The following CYP19A1 variants were observed in gnomAD, a reference collection of about 807,000 sequenced individuals.
CYP19A1 encodes the protein aromatase.
A neutral mutation model predicts 44.4 loss-of-function variants in CYP19A1; 32 were observed. That is an observed-to-expected ratio of 0.72 (90% CI 0.54 to 0.97). The LOEUF (loss-of-function observed/expected upper bound fraction) is 0.97, where lower values mean the gene tolerates loss of function less well. Among genes scored for constraint, CYP19A1 ranks in the 50% least tolerant of loss-of-function variants. The pLI is 0.00. For missense variants in CYP19A1, 598 were observed against 637.8 expected (o/e 0.94, Z 0.67); for synonymous variants, 212 against 215.6 (o/e 0.98, Z 0.14).
At chr15:51,229,272 C>A (rs866295037) in intron 3 of CYP19A1, among the ~76,000 whole-genome samples, 1 of 151,378 alleles carries the variant, frequency 6.6e-6, no homozygotes, top group Non-Finnish European at 1.5e-5. Context: ...TGCCTGTAGT[C>A]CCAACTACTT....
At chr15:51,294,478 AGCTGCCCCG>A (rs2035932339) in intron 1 of CYP19A1, among the ~76,000 whole-genome samples, 2 of 116,556 alleles carry the variant, frequency 1.7e-5, no homozygotes, top group African/African-American at 3.6e-5. Flanking sequence ...TCCGCCCGGC[AGCTGCCCCG>A]TCTGAGAAGT....
intron 3 of CYP19A1, among the ~76,000 whole-genome samples, chr15:51,230,709 C>T (rs1288583736): frequency 6.6e-6 from 1 of 151,080 alleles, no homozygotes; most frequent in Non-Finnish European, 1.5e-5. Context: ...AACTCCACCT[C>T]CCAGGTTCAA....
chr15:51,225,034 T>C (rs551783300), intron 4 of CYP19A1, among the ~76,000 whole-genome samples: 18 of 152,342 alleles, frequency 1.2e-4, no homozygotes, highest in African/African-American at 4.3e-4. Context: ...TGCCCCTCAA[T>C]GTGCTTTAGA....
At chr15:51,327,716 G>T (rs1794564770) in intron 1 of CYP19A1, among the ~76,000 whole-genome samples, 1 of 151,998 alleles carries the variant, frequency 6.6e-6, no homozygotes. Context: ...TGCCACATCA[G>T]ACTCAGTGTC....
chr15:51,315,073 A>G (rs1409876472), intron 1 of CYP19A1, among the ~76,000 whole-genome samples: 1 of 151,892 alleles, frequency 6.6e-6, no homozygotes, highest in Non-Finnish European at 1.5e-5. Flanking sequence ...CTAACATACA[A>G]ATCTGCTGCT....
chr15:51,226,501 G>C (rs562979739), intron 4 of CYP19A1, among the ~76,000 whole-genome samples: 1 of 152,244 alleles, frequency 6.6e-6, no homozygotes, highest in Non-Finnish European at 1.5e-5. Context: ...GAGTCCTGGT[G>C]AGGGAGGGCA....
intron 4 of CYP19A1, among the ~76,000 whole-genome samples, chr15:51,227,563 G>A (rs1475587173): frequency 1.3e-5 from 2 of 151,764 alleles, no homozygotes; most frequent in Non-Finnish European, 2.9e-5. Flanking sequence ...CCAGCTACTC[G>A]CGAGGCTGAG....
At chr15:51,254,905 A>G (rs1022906243) in intron 1 of CYP19A1, among the ~76,000 whole-genome samples, 3 of 152,104 alleles carry the variant, frequency 2.0e-5, no homozygotes, top group African/African-American at 7.2e-5. Flanking sequence ...ATGCACAGTG[A>G]TTACTTAATA....
chr15:51,231,398 T>A (rs2033021768), intron 3 of CYP19A1, among the ~76,000 whole-genome samples: 1 of 152,108 alleles, frequency 6.6e-6, no homozygotes, highest in South Asian at 2.1e-4. Context: ...CTCTTTCAAT[T>A]TTCCTACTCA....
chr15:51,227,444 A>G (rs1442415128), intron 4 of CYP19A1, among the ~76,000 whole-genome samples: 1 of 152,044 alleles, frequency 6.6e-6, no homozygotes, highest in Non-Finnish European at 1.5e-5. Context: ...AGGCAGGTCA[A>G]TCGTTTGACT....
Position 51,215,745 on chromosome 15 carries a change from C to T in CYP19A1, c.816G>A (p.Leu272=), listed in dbSNP as rs749925888. ...KRRRISTEEK[L]EECMDFATEL... is the part of the protein sequence containing the mutation. The stretch of plus-strand genomic sequence containing the variant: ...CAGTGGCAAAGTCCATACATTCTTC[C>T]AGTTTCTCTTCTGTGGAAATCCTGC... The change falls in exon 7 of 10, where the codon CTG becomes CTA. Residue 272 remains leucine (L), a synonymous_variant. Coordinates refer to ENST00000396402, the MANE Select transcript of CYP19A1 (RefSeq NM_000103.4). 1.2e-6 allele frequency: 2 copies of T among 1,613,914 alleles called. No individual in the cohort carries two copies. Among genetic ancestry groups the T allele is most frequent in the South Asian group, 2.2e-5 (2 of 91,084 alleles).
chr15:51,265,591 C>G (rs528838271), intron 1 of CYP19A1, among the ~76,000 whole-genome samples: 87 of 152,304 alleles, frequency 5.7e-4, no homozygotes, highest in African/African-American at 2.0e-3. Flanking sequence ...TCCTATCATT[C>G]ACCCACTCGA....
chr15:51,294,310 C>T (rs1311379179), intron 1 of CYP19A1, among the ~76,000 whole-genome samples: 20 of 146,130 alleles, frequency 1.4e-4, no homozygotes, highest in Middle Eastern at 3.7e-3. Context: ...ATGTGGGGAG[C>T]GCCTCTGCCC....
At chr15:51,259,892 T>G (rs765846104) in intron 1 of CYP19A1, among the ~76,000 whole-genome samples, 8 of 152,146 alleles carry the variant, frequency 5.3e-5, no homozygotes, top group Non-Finnish European at 1.0e-4. Flanking sequence ...ACCAAAAAAG[T>G]GCAATGCATG....
At chr15:51,211,140 TCAG>T in intron 9 of CYP19A1, 84 bp from the exon 10 acceptor site, 1 of 928,610 alleles carries the variant, frequency 1.1e-6, no homozygotes, top group Non-Finnish European at 1.8e-6. Flanking sequence ...AAAACATGGG[TCAG>T]TCAGAACACT....
intron 1 of CYP19A1, among the ~76,000 whole-genome samples, chr15:51,276,931 A>T (rs2035329542): frequency 6.6e-6 from 1 of 152,148 alleles, no homozygotes; most frequent in South Asian, 2.1e-4. Context: ...CTTTGTATTC[A>T]GACAAAGCAT....
intron 1 of CYP19A1, among the ~76,000 whole-genome samples, chr15:51,295,122 C>T (rs966061894): frequency 1.4e-5 from 2 of 143,926 alleles, no homozygotes; most frequent in Admixed American, 7.0e-5. Flanking sequence ...GGGCTTGGAG[C>T]GAATTAACAA....
Position 51,227,848 on chromosome 15 carries a change from G to C in CYP19A1, c.382C>G (p.His128Asp). ...SKLGLQCIGM[H>D]EKGIIFNNNP... ...TTGTTAAATATGATGCCTTTCTCATGCATACCGATGCACTGCAGCCCAAGT... is the reference window on the plus strand; with the variant it reads ...TTGTTAAATATGATGCCTTTCTCATCCATACCGATGCACTGCAGCCCAAGT... The change falls in exon 4 of 10, where the codon CAT (histidine) becomes GAT (aspartate). Residue 128 changes from histidine to aspartate, a missense_variant. His to Asp is a moderately conservative substitution (Grantham distance 81). Transcript: ENST00000396402. 1 of 1,511,422 alleles carries C rather than the reference G, an allele frequency of 6.6e-7. No homozygotes were observed. 93.6% of individuals were successfully genotyped at this position (1,511,422 alleles called of 1,614,324 possible).
intron 1 of CYP19A1, among the ~76,000 whole-genome samples, chr15:51,249,186 C>G (rs2034201510): frequency 6.6e-6 from 1 of 152,158 alleles, no homozygotes; most frequent in African/African-American, 2.4e-5. Context: ...GGTGATTCAC[C>G]TGCCATGGCC....
Sources: allele counts gnomAD v4.1 joint callset (sites outside exome capture counted in the v4.1 genomes callset), GRCh38; gene constraint gnomAD v4.1.1; transcripts MANE v1.5; gene names NCBI Gene and HGNC (gene_info 2026-07-23, HGNC 2026-07-21).